The following ARNT2 variants were observed in gnomAD, a reference collection of about 807,000 sequenced individuals.
The protein encoded by ARNT2 is aryl hydrocarbon receptor nuclear translocator 2, also known as ARNT protein 2.
In ARNT2, 36 loss-of-function variants were observed where a neutral mutation model predicts 91.7. That is an observed-to-expected ratio of 0.39 (90% CI 0.30 to 0.52). The LOEUF is 0.52. ARNT2 is among the 20% of genes least tolerant of loss of function. The pLI is 0.72. For missense variants in ARNT2, 775 were observed against 939.3 expected (o/e 0.83, Z 2.29); for synonymous variants, 365 against 347.1 (o/e 1.05, Z -0.57).
chr15:80,422,054 A>G (rs752291476), intron 1 of ARNT2, among the ~76,000 whole-genome samples: 22 of 152,224 alleles, frequency 1.4e-4, no homozygotes, highest in South Asian at 4.1e-4. Context: ...TCAAAAATAT[A>G]AAAGAGTGGC....
At chr15:80,587,091 T>C (rs1479954709) in intron 17 of ARNT2, among the ~76,000 whole-genome samples, 1 of 152,110 alleles carries the variant, frequency 6.6e-6, no homozygotes, top group African/African-American at 2.4e-5. Flanking sequence ...TACTAGTTAG[T>C]GTTGAAAAGG....
intron 17 of ARNT2, among the ~76,000 whole-genome samples, chr15:80,585,928 T>TG (rs1214183791): frequency 6.6e-6 from 1 of 152,214 alleles, no homozygotes; most frequent in African/African-American, 2.4e-5. Flanking sequence ...AGCCTAACGC[T>TG]GCACTCGCTG....
chr15:80,513,721 CAAA>C (rs36113299), intron 6 of ARNT2, among the ~76,000 whole-genome samples, 187 bp from the exon 7 acceptor site: 6 of 100,900 alleles, frequency 5.9e-5, no homozygotes, highest in East Asian at 2.6e-4. Context: ...TCTTCAGTCA[CAAA>C]AAAAAAAAAA....
At chr15:80,458,042 C>A in intron 3 of ARNT2, 66 bp downstream of exon 3, 4 of 1,521,268 alleles carry the variant, frequency 2.6e-6, no homozygotes, top group South Asian at 1.1e-5. Context: ...TAGAAAGATA[C>A]AAGAATGTAA....
At chr15:80,523,515 C>T (rs984290437) in intron 8 of ARNT2, among the ~76,000 whole-genome samples, 1 of 152,202 alleles carries the variant, frequency 6.6e-6, no homozygotes, top group Admixed American at 6.5e-5. Context: ...CTGTGCCATT[C>T]CAAGGTGACC....
intron 8 of ARNT2, among the ~76,000 whole-genome samples, chr15:80,516,828 A>AATAT (rs56146872): frequency 0.025 from 1,859 of 74,788 alleles, 116 homozygotes; most frequent in African/African-American, 0.047. Context: ...TACAATTACA[A>AATAT]ATATATATAT....
At chr15:80,415,785 T>C (rs1191376549) in intron 1 of ARNT2, among the ~76,000 whole-genome samples, 3 of 152,184 alleles carry the variant, frequency 2.0e-5, no homozygotes, top group Non-Finnish European at 4.4e-5. Context: ...ATTTGACCAC[T>C]GGGTGGATAG....
At chr15:80,509,265 A>G (rs981615024) in intron 6 of ARNT2, among the ~76,000 whole-genome samples, 1 of 151,974 alleles carries the variant, frequency 6.6e-6, no homozygotes, top group East Asian at 1.9e-4. Flanking sequence ...AAAATGGTGA[A>G]ACCCTGTCTT....
At chr15:80,556,393 A>C (rs1329104925) in intron 11 of ARNT2, 1 of 152,380 alleles carries the variant, frequency 6.6e-6, no homozygotes. Flanking sequence ...CCAGGTTTGC[A>C]GAAGAGACAG....
intron 17 of ARNT2, among the ~76,000 whole-genome samples, chr15:80,587,293 C>A (rs1309679429): frequency 6.6e-6 from 1 of 151,902 alleles, no homozygotes; most frequent in Non-Finnish European, 1.5e-5. Context: ...GGGGGGCTAT[C>A]TCTTCCTTAT....
intron 8 of ARNT2, among the ~76,000 whole-genome samples, chr15:80,547,390 G>A (rs1282552366): frequency 1.3e-5 from 2 of 152,132 alleles, no homozygotes; most frequent in Non-Finnish European, 2.9e-5. Flanking sequence ...TCCCTGAAGA[G>A]GCAGTAAAAA....
intron 1 of ARNT2, chr15:80,443,169 C>T: frequency 2.4e-6 from 1 of 424,866 alleles, no homozygotes; most frequent in South Asian, 9.9e-5. Flanking sequence ...GAGAGGAGAG[C>T]TTTCTTGCCA....
chr15:80,479,114 G>T (rs1464406013), intron 5 of ARNT2, among the ~76,000 whole-genome samples: 1 of 152,210 alleles, frequency 6.6e-6, no homozygotes, highest in African/African-American at 2.4e-5. Context: ...CGTTGGACCT[G>T]CAGGGTCACC....
intron 1 of ARNT2, among the ~76,000 whole-genome samples, chr15:80,432,394 A>C (rs1042685139): frequency 2.6e-5 from 4 of 152,296 alleles, no homozygotes; most frequent in Admixed American, 2.6e-4. Flanking sequence ...AGCTGAGAAT[A>C]ATTTTTACAT....
intron 14 of ARNT2, among the ~76,000 whole-genome samples, chr15:80,576,570 C>G (rs1898678864): frequency 6.6e-6 from 1 of 152,204 alleles, no homozygotes; most frequent in South Asian, 2.1e-4. Context: ...AGCCACCATG[C>G]CTAGCCTCAT....
At position 80,581,376 on chromosome 15, in the gene ARNT2, C is replaced by T; in HGVS notation, c.1890C>T (p.Ser630=). Residue 630 remains serine, a synonymous_variant, in exon 17 of 19, where the codon TCC becomes TCT. Transcript: ENST00000303329. ...CCTCGCCAAGTGGGAATGCCTACTC[C>T]AGTCTTGCCAACAGGACTCCAGGGT... The part of the protein sequence containing the change: ...ATSSPSGNAY[S]SLANRTPGFA... 6.2e-7 allele frequency: 1 copy of T among 1,614,174 alleles called. No individual in the cohort carries two copies. The highest frequency in any genetic ancestry group is 8.5e-7 in the Non-Finnish European group (1 of 1,180,020).
chr15:80,409,052 A>G (rs1290121984), intron 1 of ARNT2, among the ~76,000 whole-genome samples: 3 of 152,140 alleles, frequency 2.0e-5, no homozygotes, highest in Non-Finnish European at 4.4e-5. Context: ...ATGTGTTACA[A>G]TTGATGAACC....
intron 17 of ARNT2, among the ~76,000 whole-genome samples, chr15:80,589,927 T>A (rs1293682030): frequency 6.6e-6 from 1 of 152,228 alleles, no homozygotes; most frequent in African/African-American, 2.4e-5. Flanking sequence ...GTACCCTGCC[T>A]CAATTTTATA....
chr15:80,453,960 A>G (rs1896443308), intron 2 of ARNT2, among the ~76,000 whole-genome samples: 1 of 152,154 alleles, frequency 6.6e-6, no homozygotes, highest in African/African-American at 2.4e-5. Flanking sequence ...TAGTGTTCCA[A>G]AGCCAATTAG....
Sources: allele counts gnomAD v4.1 joint callset (sites outside exome capture counted in the v4.1 genomes callset), GRCh38; gene constraint gnomAD v4.1.1; transcripts MANE v1.5; gene names NCBI Gene and HGNC (gene_info 2026-07-23, HGNC 2026-07-21).